The following NXPE2 variants were observed in gnomAD, a reference collection of about 807,000 sequenced individuals.
NXPE2 encodes neurexophilin and PC-esterase domain family member 2, also known as NXPE family member 2.
Under a neutral mutation model 34.4 loss-of-function variants are expected in NXPE2, and 34 were observed. That is an observed-to-expected ratio of 0.99 (90% CI 0.75 to 1.31). The LOEUF (loss-of-function observed/expected upper bound fraction) is 1.31. NXPE2 is among the 40% of genes most tolerant of loss of function. The pLI is 0.00. For missense variants in NXPE2, 649 were observed against 672.5 expected, an observed-to-expected ratio of 0.97 and a Z score of 0.39; for synonymous variants, 235 against 231.3, an observed-to-expected ratio of 1.02 and a Z score of -0.15.
the NXPE2 span, among the ~76,000 whole-genome samples, chr11:114,728,552 A>C: frequency 6.6e-6 from 1 of 152,142 alleles, no homozygotes; most frequent in South Asian, 2.1e-4. Flanking sequence ...CTGTTAGTCC[A>C]TTTTCTTTCT....
the NXPE2 span, among the ~76,000 whole-genome samples, chr11:114,788,815 G>T: frequency 1.3e-5 from 2 of 152,214 alleles, no homozygotes; most frequent in African/African-American, 4.8e-5. Context: ...TCTGCATCAC[G>T]AATCATCATA....
At chr11:114,606,820 C>T in the NXPE2 span, among the ~76,000 whole-genome samples, 3 of 151,940 alleles carry the variant, frequency 2.0e-5, no homozygotes, top group South Asian at 2.1e-4. Flanking sequence ...ACCACTGTTA[C>T]CCAGTCGATA....
chr11:114,510,100 C>T, the NXPE2 span, among the ~76,000 whole-genome samples: 1 of 152,186 alleles, frequency 6.6e-6, no homozygotes, highest in African/African-American at 2.4e-5. Context: ...AAGTAATAGA[C>T]TTTAAAGTTC....
the NXPE2 span, among the ~76,000 whole-genome samples, chr11:114,604,901 C>T: frequency 1.4e-4 from 21 of 151,394 alleles, no homozygotes; most frequent in Non-Finnish European, 1.6e-4. Flanking sequence ...CACTGTTACC[C>T]GGTGGATAAT....
the NXPE2 span, among the ~76,000 whole-genome samples, chr11:114,723,054 G>A: frequency 1.3e-5 from 2 of 152,072 alleles, no homozygotes; most frequent in African/African-American, 4.8e-5. Context: ...TATTGTGCAT[G>A]GTTACATACA....
At chr11:114,615,395 C>T in the NXPE2 span, among the ~76,000 whole-genome samples, 8 of 151,708 alleles carry the variant, frequency 5.3e-5, no homozygotes, top group Admixed American at 1.3e-4. Flanking sequence ...AGTATTGCCT[C>T]GGTAACCACA....
At chr11:114,466,653 A>G in the NXPE2 span, among the ~76,000 whole-genome samples, 1 of 152,106 alleles carries the variant, frequency 6.6e-6, no homozygotes, top group African/African-American at 2.4e-5. Flanking sequence ...TATTTTTTCA[A>G]AAATTAATTT....
intron 2 of NXPE2, among the ~76,000 whole-genome samples, chr11:114,689,876 G>A: frequency 6.6e-6 from 1 of 151,842 alleles, no homozygotes; most frequent in East Asian, 1.9e-4. Context: ...AAATTTTTTG[G>A]TTTAAAGTCT....
chr11:114,697,037 G>A (rs949329705), intron 2 of NXPE2, among the ~76,000 whole-genome samples: 1 of 151,978 alleles, frequency 6.6e-6, no homozygotes, highest in Non-Finnish European at 1.5e-5. Flanking sequence ...TATAAATATG[G>A]CTTCTCTCTC....
At chr11:114,636,975 A>T in the NXPE2 span, among the ~76,000 whole-genome samples, 1 of 152,152 alleles carries the variant, frequency 6.6e-6, no homozygotes, top group Non-Finnish European at 1.5e-5. Context: ...GATGTCTATT[A>T]GGTCCACTTG....
chr11:114,586,920 G>A, the NXPE2 span, among the ~76,000 whole-genome samples: 7 of 152,236 alleles, frequency 4.6e-5, no homozygotes, highest in Middle Eastern at 3.4e-3. Flanking sequence ...TGGGATTGCC[G>A]TTTTTGTGAT....
chr11:114,686,004 A>G (rs1951039061), intron 2 of NXPE2, among the ~76,000 whole-genome samples: 2 of 152,136 alleles, frequency 1.3e-5, no homozygotes, highest in African/African-American at 4.8e-5. Flanking sequence ...TGACTATATC[A>G]GTTTCAATAT....
At chr11:114,639,178 C>T in the NXPE2 span, among the ~76,000 whole-genome samples, 3 of 152,006 alleles carry the variant, frequency 2.0e-5, no homozygotes, top group Non-Finnish European at 4.4e-5. Flanking sequence ...ATGGTGGGCA[C>T]CCCTCCCCCA....
chr11:114,512,910 G>T, the NXPE2 span: 3 of 309,324 alleles, frequency 9.7e-6, no homozygotes. Context: ...AATCAGTATT[G>T]ACCTGAGAGG....
At chr11:114,617,685 A>T in the NXPE2 span, among the ~76,000 whole-genome samples, 78,760 of 147,352 alleles carry the variant, frequency 0.53, 21,268 homozygotes, top group African/African-American at 0.66. Flanking sequence ...CGGTGGATAA[A>T]AAGTACTGCC....
Position 114,697,139 on chromosome 11 carries a change from A to G in NXPE2, c.133-906A>G, listed in dbSNP as rs577713299. Among the ~76,000 whole-genome samples, 4 of 152,296 alleles carry G rather than the reference A, an allele frequency of 2.6e-5. No homozygotes were observed. In the East Asian group the frequency reaches 7.7e-4, roughly 29 times the overall value. ...TGGGTAACTAAAATCATGAATAAGG[A>G]CGTGCCACTATATTTAGAAAAACAC... On this transcript the variant is annotated intron_variant, in intron 2 of 5. Coordinates refer to ENST00000389586, the MANE Select transcript of NXPE2 (RefSeq NM_182495.6).
chr11:114,579,501 C>T, the NXPE2 span, among the ~76,000 whole-genome samples: 1 of 152,194 alleles, frequency 6.6e-6, no homozygotes, highest in Non-Finnish European at 1.5e-5. Flanking sequence ...AGACCCCAAG[C>T]CCATGCTTTA....
At chr11:114,470,183 T>C in the NXPE2 span, among the ~76,000 whole-genome samples, 5,678 of 152,242 alleles carry the variant, frequency 0.037, 347 homozygotes, top group African/African-American at 0.13. Context: ...TATGGACATA[T>C]GTTTTTTTTT....
chr11:114,669,517 C>A, the NXPE2 span, among the ~76,000 whole-genome samples: 1 of 152,064 alleles, frequency 6.6e-6, no homozygotes, highest in Non-Finnish European at 1.5e-5. Flanking sequence ...AAGTCCTGGA[C>A]TCTCTTTCTC....
Sources: gnomAD v4.1 joint callset for allele counts (sites outside exome capture counted in the v4.1 genomes callset) on GRCh38, gnomAD v4.1.1 for gene constraint, MANE v1.5 for transcripts, NCBI Gene and HGNC (gene_info 2026-07-23, HGNC 2026-07-21) for gene names.